CNTN5: variants seen among roughly 807,000 people sequenced by gnomAD.
CNTN5 encodes the protein contactin-5.
CNTN5 carries 77 observed loss-of-function variants against 129.1 expected under a neutral mutation model. That is an observed-to-expected ratio of 0.60 (90% CI 0.50 to 0.72). CNTN5 has a LOEUF of 0.72. CNTN5 is among the 30% of genes least tolerant of loss of function. CNTN5 has a pLI of 0.00. For missense variants in CNTN5, 1,478 were observed against 1,328.8 expected, an observed-to-expected ratio of 1.11 and a Z score of -1.75; for synonymous variants, 509 against 465.6, an observed-to-expected ratio of 1.09 and a Z score of -1.20.
At chr11:99,895,094 G>A (rs1949170758) in intron 6 of CNTN5, among the ~76,000 whole-genome samples, 1 of 152,190 alleles carries the variant, frequency 6.6e-6, no homozygotes, top group Non-Finnish European at 1.5e-5. Flanking sequence ...GCTAAAGGTA[G>A]GGCATAAGGA....
chr11:100,012,917 T>G, intron 9 of CNTN5, among the ~76,000 whole-genome samples: 1 of 152,152 alleles, frequency 6.6e-6, no homozygotes, highest in East Asian at 1.9e-4. Context: ...CCCAGGAATT[T>G]CCATGGAAAA....
chr11:99,951,196 C>G (rs1274802730), intron 7 of CNTN5, among the ~76,000 whole-genome samples: 2 of 150,806 alleles, frequency 1.3e-5, no homozygotes, highest in African/African-American at 4.9e-5. Flanking sequence ...TGGTCTTACT[C>G]AAAATGCTAA....
At position 100,191,244 on chromosome 11, in the gene CNTN5, T is replaced by C. The variant is rs532603581; in HGVS notation, c.1699T>C (p.Ser567Pro). 6.2e-7 allele frequency: 1 copy of C among 1,612,398 alleles called. No individual in the cohort carries two copies. Among genetic ancestry groups the C allele is most frequent in the Non-Finnish European group, 8.5e-7 (1 of 1,179,054 alleles). Residue 567 changes from serine to proline, a missense_variant, in exon 14 of 25, where the codon TCT becomes CCT. By Grantham distance (74) the Ser-to-Pro change is moderately conservative. Transcript: ENST00000524871. ...FGSAEIIASL[S>P]VKEPTRIELT... ...TTCTGCTGAAATTATAGCTTCGCTA[T>C]CTGTAAAAGGTAAGACAGCACGGGT...
intron 1 of CNTN5, among the ~76,000 whole-genome samples, chr11:99,097,056 A>G (rs1016781339): frequency 6.6e-6 from 1 of 151,884 alleles, no homozygotes; most frequent in East Asian, 1.9e-4. Flanking sequence ...TTTGCAAGTA[A>G]TGTGTCTGTG....
rs536955767 is a variant in CNTN5 at position 100,198,177 on chromosome 11, T to C, written c.1884+4514T>C. On this transcript the variant is annotated intron_variant, in intron 15 of 24. Coordinates refer to ENST00000524871, the MANE Select transcript of CNTN5 (RefSeq NM_014361.4). ...GTGAGAAATAAAAATAAAAGGAAGG[T>C]TTGAATCCAGTCTTCAGTAAACATA... is the stretch of plus-strand genomic sequence containing the variant. Among the ~76,000 whole-genome samples the C allele has an allele frequency of 2.6e-5, 4 of 152,038 alleles. No individual in the cohort carries two copies. The Middle Eastern group carries it at 0.014, about 517-fold the overall frequency.
chr11:99,867,086 C>T (rs1948376017), intron 6 of CNTN5, among the ~76,000 whole-genome samples: 1 of 152,178 alleles, frequency 6.6e-6, no homozygotes, highest in African/African-American at 2.4e-5. Flanking sequence ...ACCTGGAATT[C>T]CAGTCTTGAT....
intron 1 of CNTN5, among the ~76,000 whole-genome samples, chr11:99,054,346 T>C (rs1447883298): frequency 6.6e-6 from 1 of 151,926 alleles, no homozygotes; most frequent in African/African-American, 2.4e-5. Context: ...ATATGAGATG[T>C]AACACAACAT....
At chr11:100,134,963 C>T (rs1420704092) in intron 13 of CNTN5, among the ~76,000 whole-genome samples, 2 of 151,866 alleles carry the variant, frequency 1.3e-5, no homozygotes, top group Admixed American at 6.6e-5. Flanking sequence ...GAATTTATAC[C>T]GTGGCTTGTA....
chr11:100,132,199 G>C (rs1264142368), intron 13 of CNTN5, among the ~76,000 whole-genome samples: 1 of 152,100 alleles, frequency 6.6e-6, no homozygotes, highest in Admixed American at 6.6e-5. Context: ...TGAGGGCCAA[G>C]GTCAACGCTT....
intron 2 of CNTN5, among the ~76,000 whole-genome samples, chr11:99,460,564 T>C (rs1944658849): frequency 6.6e-6 from 1 of 152,026 alleles, no homozygotes; most frequent in Non-Finnish European, 1.5e-5. Flanking sequence ...ATACATCTTG[T>C]GAAGCTTAAG....
chr11:99,887,652 C>G (rs1194161453), intron 6 of CNTN5, among the ~76,000 whole-genome samples: 3 of 152,206 alleles, frequency 2.0e-5, no homozygotes, highest in African/African-American at 7.2e-5. Flanking sequence ...AGCCTTTAGT[C>G]TGGTCTGTGG....
chr11:100,104,335 T>C (rs1042559705), intron 13 of CNTN5, among the ~76,000 whole-genome samples: 1 of 152,108 alleles, frequency 6.6e-6, no homozygotes. Flanking sequence ...CCTCAGGTGA[T>C]CCACCTGCCT....
intron 2 of CNTN5, among the ~76,000 whole-genome samples, chr11:99,506,112 C>T (rs1186435109): frequency 6.6e-6 from 1 of 152,152 alleles, no homozygotes; most frequent in Non-Finnish European, 1.5e-5. Flanking sequence ...ACAGCTTTAA[C>T]ATTTGTTACT....
At chr11:99,681,243 C>A (rs1022472774) in intron 3 of CNTN5, among the ~76,000 whole-genome samples, 3 of 152,022 alleles carry the variant, frequency 2.0e-5, no homozygotes, top group Non-Finnish European at 2.9e-5. Flanking sequence ...GTTAATAAAG[C>A]AGTGGTAGTG....
intron 3 of CNTN5, among the ~76,000 whole-genome samples, chr11:99,633,720 T>C (rs1423548110): frequency 1.3e-5 from 2 of 152,184 alleles, no homozygotes; most frequent in Middle Eastern, 3.2e-3. Flanking sequence ...TGCTTTCTCC[T>C]GATCAGGAAA....
chr11:99,377,605 G>A lies in CNTN5; in HGVS notation c.-71+52121G>A, dbSNP rs192900144. 2.0e-4 allele frequency among the ~76,000 whole-genome samples: 30 copies of A among 152,100 alleles called. No individual in the cohort carries two copies. The East Asian group carries it at 4.8e-3, about 24-fold the overall frequency. On this transcript the variant is annotated intron_variant, in intron 2 of 24. Transcript: ENST00000524871. ...CATTTAGACTTCCTTTAAAACAATC[G>A]CTGATATTGACATATCGTAACTTCA...
At chr11:99,764,630 A>T (rs909428228) in intron 3 of CNTN5, among the ~76,000 whole-genome samples, 8 of 152,050 alleles carry the variant, frequency 5.3e-5, no homozygotes, top group Non-Finnish European at 1.2e-4. Context: ...TGGTCAGGCT[A>T]GTCTTGAACT....
At chr11:99,739,287 A>T (rs1943816289) in intron 3 of CNTN5, among the ~76,000 whole-genome samples, 1 of 152,154 alleles carries the variant, frequency 6.6e-6, no homozygotes, top group Non-Finnish European at 1.5e-5. Context: ...CTTTATCAAG[A>T]TGGTTCATAT....
At chr11:99,683,256 A>T (rs1248907768) in intron 3 of CNTN5, among the ~76,000 whole-genome samples, 1 of 151,766 alleles carries the variant, frequency 6.6e-6, no homozygotes, top group African/African-American at 2.4e-5. Flanking sequence ...GTGTTATTTT[A>T]TGGAAACTTT....
Sources: allele counts gnomAD v4.1 joint callset (sites outside exome capture counted in the v4.1 genomes callset), GRCh38; gene constraint gnomAD v4.1.1; transcripts MANE v1.5; gene names NCBI Gene and HGNC (gene_info 2026-07-23, HGNC 2026-07-21).